RPAP2: variants seen among roughly 807,000 people sequenced by gnomAD.
The protein encoded by RPAP2 is RNA polymerase II associated protein 2.
Under a neutral mutation model 73.1 loss-of-function variants are expected in RPAP2, and 52 were observed. That is an observed-to-expected ratio of 0.71 (90% CI 0.57 to 0.90). RPAP2 has a LOEUF of 0.90. RPAP2 is among the 40% of genes least tolerant of loss of function. The pLI, the probability that RPAP2 is intolerant of heterozygous loss-of-function variation, is 0.00. For synonymous variants in RPAP2, 225 were observed against 242.1 expected, an observed-to-expected ratio of 0.93 and a Z score of 0.65; for missense variants, 598 against 701.8, an observed-to-expected ratio of 0.85 and a Z score of 1.67.
At chr1:92,384,838 A>T (rs1182878707) in intron 12 of RPAP2, among the ~76,000 whole-genome samples, 1 of 152,074 alleles carries the variant, frequency 6.6e-6, no homozygotes, top group East Asian at 1.9e-4. Context: ...AGTCCATGAC[A>T]TCCTTTGTAC....
chr1:92,336,357 C>T lies in RPAP2; in HGVS notation c.1549C>T (p.Leu517Phe), dbSNP rs759046561. The change falls in exon 10 of 13, where the codon CTT (leucine) becomes TTT (phenylalanine). Residue 517 changes from leucine (L) to phenylalanine (F), a missense_variant. Coordinates refer to ENST00000610020, the MANE Select transcript of RPAP2 (RefSeq NM_024813.3). ...LEKLSKVLPG[L>F]LVPLQITLGD... ...TTTTTAAATTTTCAGGTTGCCTGGG[C>T]TTCTGGTTCCTCTTCAGATTACATT... is the stretch of plus-strand genomic sequence containing the variant. The T allele has an allele frequency of 2.5e-6, 4 of 1,604,406 alleles. No individual in the cohort carries two copies. In the South Asian group the frequency reaches 3.4e-5, roughly 14 times the overall value.
chr1:92,383,845 T>C (rs1249354210), intron 12 of RPAP2, among the ~76,000 whole-genome samples: 1 of 152,192 alleles, frequency 6.6e-6, no homozygotes, highest in African/African-American at 2.4e-5. Flanking sequence ...CTTGTGCCCA[T>C]TTTTCAAAGA....
intron 12 of RPAP2, among the ~76,000 whole-genome samples, chr1:92,381,707 C>T (rs1475743642): frequency 2.0e-5 from 3 of 151,456 alleles, no homozygotes; most frequent in African/African-American, 2.4e-5. Flanking sequence ...TCACCTCTGC[C>T]TCTAATCCTA....
rs563708397 is a variant in RPAP2 at position 92,328,509 on chromosome 1, T to C, written c.1455+4134T>C. Among the ~76,000 whole-genome samples the C allele has an allele frequency of 1.1e-4, 16 of 152,352 alleles. No individual in the cohort carries two copies. In the South Asian group the frequency reaches 2.9e-3, roughly 28 times the overall value. ...TTCCCAAAGTTGTGATAGTTTTTTA[T>C]TTATGCTATCTATTTCACTGGAGAT... is the stretch of plus-strand genomic sequence containing the variant. On this transcript the variant is annotated intron_variant, in intron 8 of 12. Transcript: ENST00000610020.
intron 6 of RPAP2, among the ~76,000 whole-genome samples, chr1:92,310,402 A>G (rs1373473497): frequency 6.6e-6 from 1 of 152,200 alleles, no homozygotes; most frequent in East Asian, 1.9e-4. Flanking sequence ...GAAATGTGAT[A>G]TTTTAAAGAA....
At chr1:92,346,323 C>T (rs1310754628) in intron 11 of RPAP2, among the ~76,000 whole-genome samples, 1 of 152,000 alleles carries the variant, frequency 6.6e-6, no homozygotes, top group African/African-American at 2.4e-5. Flanking sequence ...ACCACCATGC[C>T]TGGCTAATTT....
intron 11 of RPAP2, among the ~76,000 whole-genome samples, chr1:92,367,629 C>T (rs1654983667): frequency 6.6e-6 from 1 of 152,226 alleles, no homozygotes; most frequent in Non-Finnish European, 1.5e-5. Context: ...GGTCTCCCTA[C>T]TGCAGCAGAA....
intron 6 of RPAP2, among the ~76,000 whole-genome samples, chr1:92,310,954 G>A (rs927317406): frequency 1.3e-5 from 2 of 152,042 alleles, no homozygotes; most frequent in Non-Finnish European, 2.9e-5. Flanking sequence ...CCAAACTTTC[G>A]ACCACTATAA....
At chr1:92,369,117 T>C (rs1655045082) in intron 11 of RPAP2, among the ~76,000 whole-genome samples, 2 of 152,236 alleles carry the variant, frequency 1.3e-5, no homozygotes, top group Non-Finnish European at 2.9e-5. Flanking sequence ...GAAATAACTT[T>C]CAACAGAAAT....
rs900008270 is a variant in RPAP2 at position 92,347,912 on chromosome 1, CT to C, written c.1688+2009del. On this transcript the variant is annotated intron_variant, in intron 11 of 12. Coordinates refer to ENST00000610020, the MANE Select transcript of RPAP2 (RefSeq NM_024813.3). ...GCATGTTTCATATTGGGCAATCAAT[CT>C]TTTTTTTTTTCTTTGAGATGGAGTC... 4.3e-4 allele frequency among the ~76,000 whole-genome samples: 64 copies of C among 148,370 alleles called. 1 individual carries two copies. The East Asian group carries it at 7.1e-3, about 16-fold the overall frequency.
chr1:92,342,462 A>G (rs1024356817), intron 10 of RPAP2, among the ~76,000 whole-genome samples: 3 of 152,210 alleles, frequency 2.0e-5, no homozygotes, highest in Non-Finnish European at 2.9e-5. Flanking sequence ...CCTTGTAGCT[A>G]TGATCATTCT....
rs1442717104 is a variant in RPAP2, at chr1:92,394,125, A to G, written c.*7114A>G. On this transcript the variant is annotated 3_prime_UTR_variant, in exon 13 of 13. Coordinates refer to ENST00000610020, the MANE Select transcript of RPAP2 (RefSeq NM_024813.3). ...GATTAAGAAAATGTGGCACATGTATACCATGGAATACTATGCAGCCATAAA... is the reference window on the plus strand; with the variant it reads ...GATTAAGAAAATGTGGCACATGTATGCCATGGAATACTATGCAGCCATAAA... 1.3e-5 allele frequency: 2 copies of G among 152,254 alleles called. No homozygotes were observed. Among genetic ancestry groups the G allele is most frequent in the African/African-American group, 4.8e-5 (2 of 41,466 alleles). 9.4% of individuals were successfully genotyped at this position (152,254 alleles called of 1,614,324 possible).
chr1:92,372,193 C>G (rs552007713), intron 11 of RPAP2, among the ~76,000 whole-genome samples: 1 of 152,182 alleles, frequency 6.6e-6, no homozygotes, highest in South Asian at 2.1e-4. Context: ...CCAAGTAAAT[C>G]TCATATCATT....
chr1:92,364,666 A>G (rs1654865855), intron 11 of RPAP2, among the ~76,000 whole-genome samples: 1 of 152,024 alleles, frequency 6.6e-6, no homozygotes, highest in Non-Finnish European at 1.5e-5. Context: ...TATCTAATCA[A>G]TTGCTAAGTC....
chr1:92,345,926 C>T lies in RPAP2; in HGVS notation c.1688+12C>T. ...GTGTTGCTGTCATTGTAAGTACTCT[C>T]TCAGATTTTAACTCTAAATACTAAA... On this transcript the variant is annotated intron_variant, in intron 11 of 12. Transcript: ENST00000610020. The T allele has an allele frequency of 6.4e-7, 1 of 1,569,070 alleles. No homozygotes were observed. Among genetic ancestry groups the T allele is most frequent in the Non-Finnish European group, 8.8e-7 (1 of 1,141,956 alleles).
chr1:92,366,560 G>A (rs1328460675), intron 11 of RPAP2, among the ~76,000 whole-genome samples: 1 of 152,150 alleles, frequency 6.6e-6, no homozygotes, highest in Non-Finnish European at 1.5e-5. Flanking sequence ...GGGGCCACAT[G>A]TGAGACAGAT....
intron 6 of RPAP2, among the ~76,000 whole-genome samples, chr1:92,313,696 A>C (rs758613801): frequency 2.0e-4 from 31 of 152,170 alleles, no homozygotes; most frequent in Non-Finnish European, 4.3e-4. Flanking sequence ...TTGATGCCAC[A>C]TATTTACTTC....
rs1359915300 is a variant in RPAP2 at position 92,395,526 on chromosome 1, C to T, written c.*8515C>T. 1 of 150,824 alleles carries T rather than the reference C, an allele frequency of 6.6e-6. No individual in the cohort carries two copies. Among genetic ancestry groups the T allele is most frequent in the Non-Finnish European group, 1.5e-5 (1 of 67,962 alleles). The allele number at this position is 150,824 out of a possible 1,614,324, so 9.3% of individuals were successfully genotyped here. A position where few individuals can be genotyped will look rare whatever the true frequency, so the allele number is the denominator to read the frequency against. On this transcript the variant is annotated 3_prime_UTR_variant, in exon 13 of 13. Transcript: ENST00000610020. ...TGGCGTGCTCCTGTAGTCCTGGCTA[C>T]TCAGAAGGCTGAGGTGGGAGGATCT...
At chr1:92,359,609 C>T (rs537702073) in intron 11 of RPAP2, among the ~76,000 whole-genome samples, 21 of 152,342 alleles carry the variant, frequency 1.4e-4, no homozygotes, top group East Asian at 5.8e-4. Flanking sequence ...CATGAGCCAT[C>T]GTGCCTGGCA....
Sources: gnomAD v4.1 joint callset for allele counts (sites outside exome capture counted in the v4.1 genomes callset) on GRCh38, gnomAD v4.1.1 for gene constraint, MANE v1.5 for transcripts, NCBI Gene and HGNC (gene_info 2026-07-23, HGNC 2026-07-21) for gene names.